TCF4: variants seen among roughly 807,000 people sequenced by gnomAD.
The protein encoded by TCF4 is transcription factor 4.
TCF4 carries 3 observed loss-of-function variants against 82.1 expected under a neutral mutation model. That is an observed-to-expected ratio of 0.04 (90% CI 0.02 to 0.09). The LOEUF is 0.09. Ranked by LOEUF, TCF4 falls within the 10% of genes least tolerant of loss-of-function variation. The probability of loss-of-function intolerance (pLI) is 1.00; values close to 1 mark genes in which losing one functional copy is unlikely to be tolerated. For synonymous variants in TCF4, 276 were observed against 309.6 expected, an observed-to-expected ratio of 0.89 and a Z score of 1.14; for missense variants, 518 against 852.7, an observed-to-expected ratio of 0.61 and a Z score of 4.89.
chr18:55,400,989 C>G lies in TCF4; in HGVS notation c.369+2465G>C, dbSNP rs770231676. Reference sequence around the variant, plus strand: ...GAAGAAAACAAAAGCCTCCCCTCCACGAGTCACTCACCTTGTCACACAGTG... The same window carrying G: ...GAAGAAAACAAAAGCCTCCCCTCCAGGAGTCACTCACCTTGTCACACAGTG... On this transcript the variant is annotated intron_variant, in intron 6 of 19. Coordinates refer to ENST00000354452, the MANE Select transcript of TCF4 (RefSeq NM_001083962.2). 7.8e-6 allele frequency: 10 copies of G among 1,289,116 alleles called. No individual in the cohort carries two copies. The South Asian group carries it at 9.9e-5, about 13-fold the overall frequency. 79.9% of individuals were successfully genotyped at this position (1,289,116 alleles called of 1,614,324 possible). A position where few individuals can be genotyped will look rare whatever the true frequency, so the allele number is the denominator to read the frequency against.
chr18:55,534,668 G>A (rs376240944), intron 3 of TCF4, among the ~76,000 whole-genome samples: 1 of 152,104 alleles, frequency 6.6e-6, no homozygotes, highest in African/African-American at 2.4e-5. Flanking sequence ...AGCAAATCAG[G>A]ACTCTTCTCA....
At chr18:55,481,415 C>T (rs2096429149) in intron 3 of TCF4, among the ~76,000 whole-genome samples, 1 of 152,190 alleles carries the variant, frequency 6.6e-6, no homozygotes, top group Admixed American at 6.5e-5. Flanking sequence ...TTAACTTTCA[C>T]AGCCATTACT....
intron 8 of TCF4, among the ~76,000 whole-genome samples, chr18:55,340,969 A>G (rs1034145608): frequency 1.3e-5 from 2 of 152,228 alleles, no homozygotes; most frequent in Admixed American, 6.5e-5. Context: ...GTCTTTGTTT[A>G]CACAGATGCT....
intron 3 of TCF4, among the ~76,000 whole-genome samples, chr18:55,564,447 T>G (rs2097383350): frequency 6.6e-6 from 1 of 152,214 alleles, no homozygotes; most frequent in Admixed American, 6.5e-5. Flanking sequence ...AGGAGGCTAC[T>G]AGAGTAGACC....
intron 3 of TCF4, among the ~76,000 whole-genome samples, chr18:55,567,699 C>T (rs1437505249): frequency 6.6e-6 from 1 of 151,236 alleles, no homozygotes; most frequent in African/African-American, 2.4e-5. Flanking sequence ...GGAGACAGAG[C>T]GAGACTCCAT....
chr18:55,528,203 T>C (rs958406426), intron 3 of TCF4, among the ~76,000 whole-genome samples: 1 of 152,212 alleles, frequency 6.6e-6, no homozygotes, highest in Admixed American at 6.5e-5. Context: ...AGCTGCACGA[T>C]ATTCTCTGGA....
At chr18:55,455,874 A>G (rs2095741958) in intron 5 of TCF4, among the ~76,000 whole-genome samples, 1 of 152,226 alleles carries the variant, frequency 6.6e-6, no homozygotes, top group East Asian at 1.9e-4. Context: ...TTTGTACATT[A>G]AGGCTTCCAA....
intron 15 of TCF4, among the ~76,000 whole-genome samples, chr18:55,253,032 G>A (rs1000410932): frequency 4.6e-5 from 7 of 152,098 alleles, no homozygotes; most frequent in Non-Finnish European, 8.8e-5. Flanking sequence ...GAATTTTTAG[G>A]GCAGAGGTCA....
At chr18:55,447,133 GTC>G (rs1183654136) in intron 5 of TCF4, among the ~76,000 whole-genome samples, 2 of 151,946 alleles carry the variant, frequency 1.3e-5, no homozygotes, top group Admixed American at 1.3e-4. Flanking sequence ...GCGAGACCTT[GTC>G]TCTACAAAAA....
chr18:55,596,811 A>T (rs1409041074), intron 2 of TCF4, among the ~76,000 whole-genome samples: 1 of 152,132 alleles, frequency 6.6e-6, no homozygotes, highest in Non-Finnish European at 1.5e-5. Context: ...AGTATAGTAC[A>T]TGCATACTAG....
intron 3 of TCF4, among the ~76,000 whole-genome samples, chr18:55,548,893 G>A (rs915117046): frequency 1.3e-5 from 2 of 152,234 alleles, no homozygotes; most frequent in African/African-American, 4.8e-5. Flanking sequence ...AGTTGCTTTA[G>A]GTGAGTCATG....
chr18:55,450,860 G>A (rs2095609629), intron 5 of TCF4, among the ~76,000 whole-genome samples: 1 of 152,208 alleles, frequency 6.6e-6, no homozygotes, highest in Non-Finnish European at 1.5e-5. Context: ...GCATTTGTCA[G>A]TGGGTTCTCC....
At chr18:55,419,307 C>T (rs1388487059) in intron 5 of TCF4, among the ~76,000 whole-genome samples, 1 of 152,196 alleles carries the variant, frequency 6.6e-6, no homozygotes, top group Non-Finnish European at 1.5e-5. Flanking sequence ...GAAGGAATGT[C>T]ATATCATAGC....
intron 8 of TCF4, among the ~76,000 whole-genome samples, chr18:55,291,120 C>A (rs180780335): frequency 3.9e-5 from 6 of 152,112 alleles, no homozygotes; most frequent in Admixed American, 3.3e-4. Context: ...AAGCTTGGAG[C>A]GGGTTAAGTG....
upstream of TCF4, chr18:55,588,573 C>T (rs1317812396): frequency 1.8e-5 from 28 of 1,523,878 alleles, no homozygotes; most frequent in Non-Finnish European, 1.6e-5. Context: ...GAGTTTACAT[C>T]CCCTCACTTC....
chr18:55,431,610 T>C (rs1220484603), intron 5 of TCF4, among the ~76,000 whole-genome samples: 2 of 152,078 alleles, frequency 1.3e-5, no homozygotes, highest in Non-Finnish European at 2.9e-5. Context: ...TCTCCTTCTC[T>C]GAGGACTACC....
intron 6 of TCF4, among the ~76,000 whole-genome samples, chr18:55,366,361 G>C (rs994998243): frequency 3.3e-5 from 5 of 152,082 alleles, no homozygotes; most frequent in African/African-American, 1.2e-4. Flanking sequence ...CATATGTTTT[G>C]CTATAGAAAT....
intron 8 of TCF4, among the ~76,000 whole-genome samples, chr18:55,340,117 C>T (rs1440479): frequency 6.6e-6 from 1 of 152,244 alleles, no homozygotes; most frequent in Non-Finnish European, 1.5e-5. Context: ...TGGGCAGACC[C>T]GTTCCCGGCC....
rs1457523428 is a variant in TCF4 at position 55,222,691 on chromosome 18, A to G, written c.*5344T>C. ...GCGGGCTTTCCTTTACATTGCATAC[A>G]TTACTTTACATTTCTACAGTGCAAT... On this transcript the variant is annotated 3_prime_UTR_variant, in exon 20 of 20. Coordinates refer to ENST00000354452, the MANE Select transcript of TCF4 (RefSeq NM_001083962.2). 1 of 152,636 alleles carries G rather than the reference A, an allele frequency of 6.6e-6. No homozygotes were observed. The highest frequency in any genetic ancestry group is 2.4e-5 in the African/African-American group (1 of 41,450). The allele number at this position is 152,636 out of a possible 1,614,324, so 9.5% of individuals were successfully genotyped here.
Sources: gnomAD v4.1 joint callset for allele counts (sites outside exome capture counted in the v4.1 genomes callset) on GRCh38, gnomAD v4.1.1 for gene constraint, MANE v1.5 for transcripts, NCBI Gene and HGNC (gene_info 2026-07-23, HGNC 2026-07-21) for gene names.